Variants in RBFOX3 observed in about 807,000 individuals in gnomAD.
RBFOX3 encodes the protein RNA binding protein fox-1 homolog 3.
Under a neutral mutation model 48.7 loss-of-function variants are expected in RBFOX3, and 17 were observed. The ratio of observed to expected loss-of-function variants is 0.35; its 90% CI spans 0.24 to 0.52. RBFOX3 has a LOEUF of 0.52. Ranked by LOEUF, RBFOX3 falls within the 20% of genes least tolerant of loss-of-function variation. The pLI, the probability that RBFOX3 is intolerant of heterozygous loss-of-function variation, is 0.94. For missense variants in RBFOX3, 382 were observed against 497.5 expected, an observed-to-expected ratio of 0.77 and a Z score of 2.21; for synonymous variants, 212 against 209.5, an observed-to-expected ratio of 1.01 and a Z score of -0.10.
intron 2 of RBFOX3, among the ~76,000 whole-genome samples, chr17:79,474,739 T>C (rs1203087991): frequency 4.6e-5 from 7 of 152,160 alleles, no homozygotes; most frequent in Non-Finnish European, 1.0e-4. Flanking sequence ...ACCTCCACCA[T>C]CACCACCTGA....
At chr17:79,246,902 G>C (rs1294151784) in intron 3 of RBFOX3, among the ~76,000 whole-genome samples, 1 of 152,142 alleles carries the variant, frequency 6.6e-6, no homozygotes, top group East Asian at 1.9e-4. Context: ...AAAAGGAGCC[G>C]AGTTAATACA....
chr17:79,226,255 C>T (rs183804517), intron 4 of RBFOX3, among the ~76,000 whole-genome samples: 17 of 152,150 alleles, frequency 1.1e-4, no homozygotes, highest in African/African-American at 4.1e-4. Flanking sequence ...AGGACTTTGG[C>T]CTTTCTCCAA....
At chr17:79,332,683 G>T (rs541046039) in intron 2 of RBFOX3, among the ~76,000 whole-genome samples, 4 of 140,736 alleles carry the variant, frequency 2.8e-5, no homozygotes, top group African/African-American at 1.1e-4. Context: ...GAGAGACAAA[G>T]AGAGACGGAG....
the RBFOX3 span, among the ~76,000 whole-genome samples, chr17:79,646,489 G>A: frequency 1.3e-5 from 2 of 152,184 alleles, no homozygotes; most frequent in Non-Finnish European, 2.9e-5. Flanking sequence ...AGAAGCAAAC[G>A]CATGTCTTAT....
At chr17:79,236,130 C>T (rs2061605641) in intron 3 of RBFOX3, among the ~76,000 whole-genome samples, 1 of 152,196 alleles carries the variant, frequency 6.6e-6, no homozygotes, top group African/African-American at 2.4e-5. Context: ...CCAAGCACTC[C>T]CCAGCCTGGT....
the RBFOX3 span, among the ~76,000 whole-genome samples, chr17:79,636,366 G>A: frequency 1.3e-5 from 2 of 152,102 alleles, no homozygotes; most frequent in East Asian, 3.9e-4. Flanking sequence ...CTGGGCCATG[G>A]GAATAAAGGG....
rs1439996939 is a variant in RBFOX3, at chr17:79,473,331, C to A, written c.-175+9123G>T. On this transcript the variant is annotated intron_variant, in intron 2 of 14. Coordinates refer to ENST00000693108, the MANE Select transcript of RBFOX3 (RefSeq NM_001350451.2). The surrounding 1 kb of genome is among the most constrained non-coding windows in gnomAD (Gnocchi z 4.2). ...TGCTGTGGGTTTGAATTCTGTATGG[C>A]CCTGGGTTGGTCATTTATCTGCAGC... Among the ~76,000 whole-genome samples the A allele has an allele frequency of 6.6e-6, 1 of 152,190 alleles. No homozygotes were observed. The highest frequency in any genetic ancestry group is 1.5e-5 in the Non-Finnish European group (1 of 68,052).
intron 3 of RBFOX3, among the ~76,000 whole-genome samples, chr17:79,256,595 G>A (rs1286280156): frequency 6.6e-6 from 1 of 152,194 alleles, no homozygotes; most frequent in East Asian, 1.9e-4. Flanking sequence ...GGAAGACACT[G>A]TGTCATCTTC....
chr17:79,519,876 G>A (rs1409118571), intron 1 of RBFOX3, among the ~76,000 whole-genome samples: 1 of 152,180 alleles, frequency 6.6e-6, no homozygotes, highest in Non-Finnish European at 1.5e-5. Flanking sequence ...GACCAGCAGA[G>A]CTCCTGGCTG....
chr17:79,094,778 G>T (rs78798924), intron 13 of RBFOX3, among the ~76,000 whole-genome samples: 7 of 150,916 alleles, frequency 4.6e-5, no homozygotes, highest in Non-Finnish European at 8.9e-5. Context: ...TGACGGGGTG[G>T]GGGGAGGGGG....
intron 2 of RBFOX3, among the ~76,000 whole-genome samples, chr17:79,442,553 T>C (rs1183187653): frequency 1.3e-5 from 2 of 151,928 alleles, no homozygotes; most frequent in Admixed American, 6.6e-5. Context: ...TGGGATTTCA[T>C]GACAAAATGC....
intron 2 of RBFOX3, among the ~76,000 whole-genome samples, chr17:79,360,983 G>A (rs963392607): frequency 1.2e-4 from 18 of 152,106 alleles, no homozygotes; most frequent in East Asian, 1.9e-4. Flanking sequence ...AAGCCTGTCC[G>A]GGTTATTTCT....
intron 1 of RBFOX3, among the ~76,000 whole-genome samples, chr17:79,587,339 G>A (rs983143167): frequency 2.0e-5 from 3 of 152,214 alleles, no homozygotes; most frequent in African/African-American, 7.2e-5. Flanking sequence ...AGGCTCCATG[G>A]AGCCAAGGCA....
At chr17:79,554,918 A>G (rs1259551602) in intron 1 of RBFOX3, among the ~76,000 whole-genome samples, 2 of 152,192 alleles carry the variant, frequency 1.3e-5, no homozygotes, top group Non-Finnish European at 2.9e-5. Context: ...TCTCCAAACC[A>G]TAGAACATCA....
intron 3 of RBFOX3, among the ~76,000 whole-genome samples, chr17:79,278,306 C>T (rs143224225): frequency 8.1e-4 from 124 of 152,342 alleles, no homozygotes; most frequent in Non-Finnish European, 1.1e-3. Context: ...CCTCTGCCCC[C>T]CTCCTCAGAA....
At chr17:79,286,960 C>T (rs1410476482) in intron 3 of RBFOX3, among the ~76,000 whole-genome samples, 1 of 152,212 alleles carries the variant, frequency 6.6e-6, no homozygotes, top group Non-Finnish European at 1.5e-5. Flanking sequence ...CAAGTGAGGT[C>T]CTGTGGCCAG....
At chr17:79,234,009 G>A (rs1392731838) in intron 4 of RBFOX3, 3 of 152,242 alleles carry the variant, frequency 2.0e-5, no homozygotes, top group Admixed American at 6.5e-5. Context: ...CTCAGGAGGC[G>A]GCTGTGACGG....
chr17:79,621,706 C>A, the RBFOX3 span, among the ~76,000 whole-genome samples: 4 of 152,172 alleles, frequency 2.6e-5, no homozygotes, highest in Admixed American at 6.5e-5. Flanking sequence ...TTCATGCGTG[C>A]CTGCAGGACT....
At chr17:79,200,058 G>A (rs2056485657) in intron 4 of RBFOX3, among the ~76,000 whole-genome samples, 1 of 151,406 alleles carries the variant, frequency 6.6e-6, no homozygotes, top group Non-Finnish European at 1.5e-5. Flanking sequence ...AGCTACTTGG[G>A]AGGCTGAGGC....
Sources: allele counts gnomAD v4.1 joint callset (sites outside exome capture counted in the v4.1 genomes callset), GRCh38; gene constraint gnomAD v4.1.1; non-coding constraint Gnocchi (gnomAD v3.1); transcripts MANE v1.5; gene names NCBI Gene and HGNC (gene_info 2026-07-23, HGNC 2026-07-21).